The following CRYM variants were observed in gnomAD, a reference collection of about 807,000 sequenced individuals.
CRYM encodes crystallin mu, also known as ketimine reductase mu-crystallin.
CRYM carries 18 observed loss-of-function variants against 32.9 expected under a neutral mutation model. The ratio of observed to expected loss-of-function variants is 0.55; its 90% CI spans 0.38 to 0.81. The LOEUF is 0.81. Ranked by LOEUF, CRYM falls within the 30% of genes least tolerant of loss-of-function variation. The pLI is 0.00. For missense variants in CRYM, 337 were observed against 393.5 expected (o/e 0.86, Z 1.21); for synonymous variants, 153 against 152.4 (o/e 1.00, Z -0.03).
At chr16:21,271,452 A>G (rs2093375221) in intron 3 of CRYM, among the ~76,000 whole-genome samples, 1 of 152,248 alleles carries the variant, frequency 6.6e-6, no homozygotes, top group Non-Finnish European at 1.5e-5. Context: ...TAATATTTAA[A>G]AAGTGAAAAG....
At chr16:21,268,813 T>A (rs1045351571) in intron 4 of CRYM, 1 of 152,168 alleles carries the variant, frequency 6.6e-6, no homozygotes, top group African/African-American at 2.4e-5. Flanking sequence ...TGAAAACAGA[T>A]GAAAGGGCAT....
intron 1 of CRYM, chr16:21,283,508 C>T (rs2093401659): frequency 6.6e-6 from 1 of 151,956 alleles, no homozygotes. Flanking sequence ...TTGGCTTCAC[C>T]TTGAATGCTG....
At chr16:21,282,447 T>C (rs747300131), upstream of CRYM, among the ~76,000 whole-genome samples, 12 of 151,664 alleles carry the variant, frequency 7.9e-5, no homozygotes, top group Admixed American at 1.3e-4. Context: ...TTTTTAAAGT[T>C]AACAAGGAGA....
intron 1 of CRYM, among the ~76,000 whole-genome samples, chr16:21,291,088 C>T (rs1410639576): frequency 6.6e-6 from 1 of 152,186 alleles, no homozygotes; most frequent in Non-Finnish European, 1.5e-5. Flanking sequence ...TTAATTTTCT[C>T]TGTTTAATTT....
At chr16:21,284,599 A>G (rs1340922463) in intron 1 of CRYM, among the ~76,000 whole-genome samples, 1 of 152,098 alleles carries the variant, frequency 6.6e-6, no homozygotes, top group Non-Finnish European at 1.5e-5. Flanking sequence ...ACATTGCTGC[A>G]GAGGACATAA....
At chr16:21,293,993 C>T (rs778363887) in intron 1 of CRYM, among the ~76,000 whole-genome samples, 9 of 152,140 alleles carry the variant, frequency 5.9e-5, no homozygotes, top group Non-Finnish European at 8.8e-5. Flanking sequence ...TATCAATATA[C>T]GGGAAACTGG....
At chr16:21,269,929 A>T in intron 3 of CRYM, 38 bp from the exon 4 acceptor site, 1 of 1,437,658 alleles carries the variant, frequency 7.0e-7, no homozygotes, top group Non-Finnish European at 9.8e-7. Flanking sequence ...GTCAAGGGAG[A>T]CCCTAGCAGA....
At position 21,278,240 on chromosome 16, in the gene CRYM, T is replaced by C. The variant is rs1037171083; in HGVS notation, c.12A>G (p.Val4=). The C allele has an allele frequency of 3.2e-6, 5 of 1,584,174 alleles. No homozygotes were observed. Among genetic ancestry groups the C allele is most frequent in the Non-Finnish European group, 4.3e-6 (5 of 1,168,634 alleles). ...CCTCGGCCGCGCTCAGGAACGCTGG[T>C]ACCCGGCTCATCTCGCCACCTGTGC... The part of the protein sequence containing the change: MSR[V]PAFLSAAEVE... Residue 4 remains valine (V), a synonymous_variant, in exon 1 of 8, where the codon GTA becomes GTG. Coordinates refer to ENST00000572914, the MANE Select transcript of CRYM (RefSeq NM_001376256.1).
chr16:21,293,890 A>G (rs779302449), intron 1 of CRYM, among the ~76,000 whole-genome samples: 19 of 152,242 alleles, frequency 1.2e-4, no homozygotes, highest in Non-Finnish European at 2.1e-4. Flanking sequence ...AGAAGGAAAC[A>G]GAAGAATATC....
chr16:21,259,787 C>T (rs540622973), intron 7 of CRYM, among the ~76,000 whole-genome samples: 2 of 152,170 alleles, frequency 1.3e-5, no homozygotes, highest in Non-Finnish European at 2.9e-5. Flanking sequence ...TTGGTAGATA[C>T]CTTAACCTCT....
intron 1 of CRYM, among the ~76,000 whole-genome samples, chr16:21,299,551 C>A (rs1385074844): frequency 6.6e-6 from 1 of 152,208 alleles, no homozygotes; most frequent in Non-Finnish European, 1.5e-5. Flanking sequence ...CTCAGGTGAT[C>A]CGCTCGCCTT....
chr16:21,285,003 T>C (rs939376573), intron 1 of CRYM, among the ~76,000 whole-genome samples: 1 of 152,238 alleles, frequency 6.6e-6, no homozygotes, highest in African/African-American at 2.4e-5. Context: ...GTGGTTTTTA[T>C]TTGCATTTCC....
intron 1 of CRYM, chr16:21,301,074 C>A (rs1169876144): frequency 1.3e-5 from 2 of 152,502 alleles, no homozygotes; most frequent in African/African-American, 4.8e-5. Context: ...GGGGTCTGCT[C>A]CAGGACGGAA....
chr16:21,297,269 A>G (rs1035178356), intron 1 of CRYM, among the ~76,000 whole-genome samples: 4 of 151,468 alleles, frequency 2.6e-5, no homozygotes, highest in Non-Finnish European at 5.9e-5. Context: ...TGGCACATGC[A>G]TGTAATCCAA....
rs2093348595 is a variant in CRYM at position 21,258,571 on chromosome 16, G to GGTAGAAATGA, written c.*209_*210insTCATTTCTAC. On this transcript the variant is annotated 3_prime_UTR_variant, in exon 8 of 8. Coordinates refer to ENST00000572914, the MANE Select transcript of CRYM (RefSeq NM_001376256.1). ...CAGGGAAATATAAAGGGAAATGAAT[G>GGTAGAAATGA]CTATTATAACTTGGTAGAACAGAAG... 1 of 601,794 alleles carries GGTAGAAATGA rather than the reference G, an allele frequency of 1.7e-6. No individual in the cohort carries two copies. Among genetic ancestry groups the GGTAGAAATGA allele is most frequent in the East Asian group, 2.8e-5 (1 of 35,162 alleles). The allele number at this position is 601,794 out of a possible 1,614,324, so 37.3% of individuals were successfully genotyped here.
intron 4 of CRYM, among the ~76,000 whole-genome samples, chr16:21,268,852 A>G (rs1405239160): frequency 6.6e-6 from 1 of 152,130 alleles, no homozygotes; most frequent in Non-Finnish European, 1.5e-5. Context: ...CTTGTATTAA[A>G]AGTAATGGCA....
At chr16:21,266,048 A>AC (rs779507624) in intron 5 of CRYM, among the ~76,000 whole-genome samples, 4 of 152,148 alleles carry the variant, frequency 2.6e-5, no homozygotes, top group African/African-American at 7.2e-5. Context: ...ATGTGGTGAA[A>AC]CCCCATCTCT....
intron 6 of CRYM, chr16:21,261,609 A>C (rs2093354630): frequency 1.9e-6 from 1 of 540,238 alleles, no homozygotes; most frequent in African/African-American, 1.9e-5. Flanking sequence ...TCATTGTGTC[A>C]GTGAGGAAAT....
chr16:21,280,868 G>A (rs904419972), upstream of CRYM, among the ~76,000 whole-genome samples: 3 of 152,156 alleles, frequency 2.0e-5, no homozygotes, highest in African/African-American at 7.2e-5. Flanking sequence ...ACTTTGGGAG[G>A]CCAAGGCGGG....
Sources: gnomAD v4.1 joint callset for allele counts (sites outside exome capture counted in the v4.1 genomes callset) on GRCh38, gnomAD v4.1.1 for gene constraint, MANE v1.5 for transcripts, NCBI Gene and HGNC (gene_info 2026-07-23, HGNC 2026-07-21) for gene names.